Variants in SLC8A1 observed in about 807,000 individuals in gnomAD.
SLC8A1 encodes solute carrier family 8 member A1, also known as sodium/calcium exchanger 1.
A neutral mutation model predicts 68.3 loss-of-function variants in SLC8A1; 18 were observed. That is an observed-to-expected ratio of 0.26 (90% CI 0.18 to 0.39). The LOEUF (loss-of-function observed/expected upper bound fraction) is 0.39, where lower values mean the gene tolerates loss of function less well. SLC8A1 is among the 10% of genes least tolerant of loss of function. The pLI is 1.00. For missense variants in SLC8A1, 985 were observed against 1,156.7 expected, an observed-to-expected ratio of 0.85 and a Z score of 2.15; for synonymous variants, 475 against 415.5, an observed-to-expected ratio of 1.14 and a Z score of -1.74.
chr2:40,432,657 G>T (rs1048130732), intron 1 of SLC8A1, among the ~76,000 whole-genome samples: 4 of 151,884 alleles, frequency 2.6e-5, no homozygotes, highest in Non-Finnish European at 4.4e-5. Context: ...GACCAAGGGG[G>T]CAGGGCTCAG....
chr2:40,494,112 T>C (rs772107343), intron 1 of SLC8A1, among the ~76,000 whole-genome samples: 4 of 151,990 alleles, frequency 2.6e-5, no homozygotes, highest in Non-Finnish European at 5.9e-5. Flanking sequence ...TGACCTGCAT[T>C]TTGTAATAAT....
chr2:40,170,495 C>A (rs2047283265), intron 4 of SLC8A1, 146 bp from the exon 7 acceptor site: 11 of 665,616 alleles, frequency 1.7e-5, no homozygotes, highest in Middle Eastern at 2.5e-4. Context: ...TCATAGGTCA[C>A]CCCTAGGTAG....
At chr2:40,126,585 G>A (rs577229737) in intron 7 of SLC8A1, among the ~76,000 whole-genome samples, 2 of 152,086 alleles carry the variant, frequency 1.3e-5, no homozygotes, top group Non-Finnish European at 2.9e-5. Flanking sequence ...TAACTTTTCA[G>A]TTTCTGGGAC....
At chr2:40,333,924 T>A (rs950994137) in intron 2 of SLC8A1, among the ~76,000 whole-genome samples, 4 of 152,130 alleles carry the variant, frequency 2.6e-5, no homozygotes, top group Non-Finnish European at 4.4e-5. Context: ...GGTGCACACC[T>A]GTAATCTCAG....
At chr2:40,389,609 C>G (rs1246043883) in intron 2 of SLC8A1, among the ~76,000 whole-genome samples, 3 of 151,824 alleles carry the variant, frequency 2.0e-5, no homozygotes, top group African/African-American at 7.3e-5. Flanking sequence ...TAACCCCAGA[C>G]CATCCAACTG....
intron 3 of SLC8A1, chr2:40,176,113 C>A: frequency 8.4e-6 from 2 of 237,094 alleles, no homozygotes; most frequent in South Asian, 8.4e-5. Context: ...TTAGTAAAAG[C>A]AACCTTGCTA....
chr2:40,389,056 A>T (rs1255067015), intron 2 of SLC8A1, among the ~76,000 whole-genome samples: 1 of 151,674 alleles, frequency 6.6e-6, no homozygotes, highest in Admixed American at 6.6e-5. Context: ...ATTTACACAA[A>T]TGTGGCTATA....
chr2:40,468,503 T>C (rs1359545026), intron 1 of SLC8A1, among the ~76,000 whole-genome samples: 2 of 152,172 alleles, frequency 1.3e-5, no homozygotes. Context: ...ATTTTTAGAT[T>C]ATTACAATTC....
Position 40,483,514 on chromosome 2 carries a change from A to C in SLC8A1, c.-25+28835T>G, listed in dbSNP as rs570146756. ...CCTCCGCAAGAGAATAGCTACAGTC[A>C]ACAAAGCCAAAACAGAAGAAAAAAC... is the stretch of plus-strand genomic sequence containing the variant. On this transcript the variant is annotated intron_variant, in intron 1 of 7. Coordinates refer to the SLC8A1 transcript ENST00000402441. Among the ~76,000 whole-genome samples the C allele has an allele frequency of 3.9e-5, 6 of 152,306 alleles. No individual in the cohort carries two copies. In the East Asian group the frequency reaches 1.2e-3, roughly 29 times the overall value.
At chr2:40,132,142 A>G (rs1478520855) in intron 7 of SLC8A1, among the ~76,000 whole-genome samples, 1 of 152,110 alleles carries the variant, frequency 6.6e-6, no homozygotes, top group African/African-American at 2.4e-5. Flanking sequence ...AGAAATTTAA[A>G]AATTTCTTAA....
chr2:40,506,806 T>C (rs766187037), intron 1 of SLC8A1, among the ~76,000 whole-genome samples: 9 of 151,990 alleles, frequency 5.9e-5, no homozygotes, highest in Non-Finnish European at 1.2e-4. Flanking sequence ...GAAAATGATA[T>C]AATAAGTGTT....
intron 1 of SLC8A1, among the ~76,000 whole-genome samples, chr2:40,463,839 TACACACACACACACACACAC>T (rs761954909): frequency 4.0e-4 from 49 of 123,402 alleles, no homozygotes; most frequent in African/African-American, 1.1e-3. Context: ...CACACACACA[TACACACACACACACACACAC>T]ACACACACAC....
intron 5 of SLC8A1, among the ~76,000 whole-genome samples, chr2:40,163,834 G>A (rs2046092619): frequency 6.6e-6 from 1 of 152,074 alleles, no homozygotes; most frequent in Admixed American, 6.6e-5. Context: ...CTCCTATCAG[G>A]CACCTCCATT....
intron 2 of SLC8A1, among the ~76,000 whole-genome samples, chr2:40,423,463 C>G (rs1036697620): frequency 3.9e-5 from 6 of 151,920 alleles, no homozygotes; most frequent in African/African-American, 1.4e-4. Flanking sequence ...AAATCTGTAG[C>G]TTATTAAGTA....
At chr2:40,450,751 G>C (rs545035589) in intron 1 of SLC8A1, among the ~76,000 whole-genome samples, 5 of 152,282 alleles carry the variant, frequency 3.3e-5, no homozygotes, top group African/African-American at 1.2e-4. Flanking sequence ...GAGAGAGAGC[G>C]GCTTCAGGAG....
intron 2 of SLC8A1, among the ~76,000 whole-genome samples, chr2:40,306,452 T>TGGG (rs35155626): frequency 1.4e-5 from 2 of 145,504 alleles, no homozygotes; most frequent in Admixed American, 6.8e-5. Flanking sequence ...GGAATGGTTG[T>TGGG]GGGGGGGGGC....
At chr2:40,269,069 A>G (rs890906552) in intron 2 of SLC8A1, among the ~76,000 whole-genome samples, 45 of 152,130 alleles carry the variant, frequency 3.0e-4, no homozygotes, top group African/African-American at 1.1e-3. Context: ...GGTCTATGAG[A>G]CCTGAGAGAG....
exon 8 of SLC8A1, chr2:40,108,126 C>A (rs1049010851): frequency 1.3e-5 from 2 of 152,064 alleles, no homozygotes; most frequent in African/African-American, 4.8e-5. Context: ...ATGGAATCAG[C>A]CTTTCATAAA....
chr2:40,452,101 G>A (rs1277688133), upstream of SLC8A1: 2 of 148,882 alleles, frequency 1.3e-5, no homozygotes, highest in African/African-American at 4.9e-5. Flanking sequence ...AGCGGGCAGC[G>A]GTGCGCGCGG....
Sources: allele counts gnomAD v4.1 joint callset (sites outside exome capture counted in the v4.1 genomes callset), GRCh38; gene constraint gnomAD v4.1.1; transcripts MANE v1.5; gene names NCBI Gene and HGNC (gene_info 2026-07-23, HGNC 2026-07-21).